The following KLHL20 variants were observed in gnomAD, a reference collection of about 807,000 sequenced individuals.
KLHL20 encodes kelch like family member 20, also known as kelch-like protein 20.
KLHL20 carries 29 observed loss-of-function variants against 69.5 expected under a neutral mutation model. That is an observed-to-expected ratio of 0.42 (90% CI 0.31 to 0.57). The LOEUF (loss-of-function observed/expected upper bound fraction) is 0.57, where lower values mean the gene tolerates loss of function less well. Among genes scored for constraint, KLHL20 ranks in the 20% least tolerant of loss-of-function variants. The pLI is 0.18. For synonymous variants in KLHL20, 253 were observed against 265.2 expected (o/e 0.95, Z 0.45); for missense variants, 419 against 776.0 (o/e 0.54, Z 5.47).
intron 3 of KLHL20, among the ~76,000 whole-genome samples, chr1:173,743,506 C>A (rs941906339): frequency 2.0e-5 from 3 of 151,312 alleles, no homozygotes; most frequent in Non-Finnish European, 2.9e-5. Context: ...TATTCCTGAA[C>A]ACTTACTATG....
Position 173,737,603 on chromosome 1 carries a change from A to G in KLHL20, c.597+3317A>G, listed in dbSNP as rs372128452. ...ATGTACCTATTTTTATGCCAGTATC[A>G]TGCTGTTTTGGTGACTATAGCCTTG... On this transcript the variant is annotated intron_variant, in intron 3 of 11. Transcript: ENST00000209884. Among the ~76,000 whole-genome samples the G allele has an allele frequency of 2.0e-5, 3 of 152,316 alleles. No homozygotes were observed. In the South Asian group the frequency reaches 6.2e-4, roughly 32 times the overall value.
chr1:173,772,258 C>T (rs1256157016), intron 8 of KLHL20, among the ~76,000 whole-genome samples: 1 of 152,064 alleles, frequency 6.6e-6, no homozygotes, highest in Non-Finnish European at 1.5e-5. Context: ...GAGTCTGTAC[C>T]CTTTTGTCAT....
At chr1:173,748,756 A>C (rs550351004) in intron 3 of KLHL20, among the ~76,000 whole-genome samples, 71 of 150,176 alleles carry the variant, frequency 4.7e-4, no homozygotes, top group African/African-American at 1.7e-3. Context: ...AATTTAAAAA[A>C]TCAGAAAAAA....
intron 9 of KLHL20, 126 bp downstream of exon 9, chr1:173,774,564 C>A: frequency 9.6e-7 from 1 of 1,039,844 alleles, no homozygotes; most frequent in Non-Finnish European, 1.4e-6. Flanking sequence ...TGATTTTTCC[C>A]TCCAGCAGAG....
chr1:173,762,324 A>T (rs969116209), intron 7 of KLHL20, among the ~76,000 whole-genome samples: 5 of 152,180 alleles, frequency 3.3e-5, no homozygotes, highest in African/African-American at 1.2e-4. Context: ...TCCTTTTGAC[A>T]CTATTCCACA....
At chr1:173,753,802 C>A (rs1673412321) in intron 5 of KLHL20, among the ~76,000 whole-genome samples, 1 of 152,110 alleles carries the variant, frequency 6.6e-6, no homozygotes, top group Non-Finnish European at 1.5e-5. Flanking sequence ...GAAGCAGTTT[C>A]CAGAGGTTTT....
intron 7 of KLHL20, among the ~76,000 whole-genome samples, chr1:173,765,612 A>G (rs1647650440): frequency 1.3e-5 from 2 of 152,334 alleles, no homozygotes; most frequent in South Asian, 4.1e-4. Flanking sequence ...GGAAAATATC[A>G]GAAACAGCCT....
intron 2 of KLHL20, among the ~76,000 whole-genome samples, chr1:173,717,400 G>A (rs975692872): frequency 9.2e-5 from 14 of 152,252 alleles, no homozygotes; most frequent in Middle Eastern, 3.4e-3. Flanking sequence ...GCTGTTAATC[G>A]TTAAGCTACG....
intron 3 of KLHL20, among the ~76,000 whole-genome samples, chr1:173,749,151 T>C (rs1001193184): frequency 3.3e-5 from 5 of 152,230 alleles, no homozygotes; most frequent in Non-Finnish European, 7.3e-5. Context: ...TTTTTGAACT[T>C]AATCAAATCT....
intron 3 of KLHL20, among the ~76,000 whole-genome samples, chr1:173,748,897 C>T (rs572705161): frequency 1.3e-5 from 2 of 152,016 alleles, no homozygotes; most frequent in Admixed American, 1.3e-4. Context: ...TTTTTAATGT[C>T]TTGCTCTAAC....
At chr1:173,749,856 G>A (rs1156338799) in intron 3 of KLHL20, among the ~76,000 whole-genome samples, 2 of 152,142 alleles carry the variant, frequency 1.3e-5, no homozygotes, top group East Asian at 3.8e-4. Flanking sequence ...AAAGCAAGAT[G>A]CAGTCATGAC....
Position 173,756,839 on chromosome 1 carries a change from A to AG in KLHL20, c.968-136dup, listed in dbSNP as rs1304464724. 15 of 653,394 alleles carry AG rather than the reference A, an allele frequency of 2.3e-5. No individual in the cohort carries two copies. In the East Asian group the frequency reaches 4.0e-4, roughly 17 times the overall value. 40.5% of individuals were successfully genotyped at this position (653,394 alleles called of 1,614,324 possible). ...TAGCAATCCCAGTGGAATGAGTTGAAGTCATAACTTGCATTTTGACCTACT... is the reference window on the plus strand; with the variant it reads ...TAGCAATCCCAGTGGAATGAGTTGAAGGTCATAACTTGCATTTTGACCTACT... On this transcript the variant is annotated intron_variant, in intron 6 of 11. Transcript: ENST00000209884.
chr1:173,756,830 A>C, intron 6 of KLHL20, 146 bp from the exon 7 acceptor site: 1 of 605,174 alleles, frequency 1.7e-6, no homozygotes, highest in Non-Finnish European at 2.9e-6. Flanking sequence ...TCCCAGTGGA[A>C]TGAGTTGAAG....
At chr1:173,745,082 A>G (rs1489482397) in intron 3 of KLHL20, among the ~76,000 whole-genome samples, 2 of 152,012 alleles carry the variant, frequency 1.3e-5, no homozygotes. Context: ...CTATCCAATA[A>G]CAAGATTTTA....
chr1:173,783,616 T>G (rs1240067331), intron 11 of KLHL20, among the ~76,000 whole-genome samples: 1 of 152,020 alleles, frequency 6.6e-6, no homozygotes, highest in African/African-American at 2.4e-5. Flanking sequence ...GCCTGTAATC[T>G]CAGCACTTTG....
At chr1:173,738,224 A>T (rs564513255) in intron 3 of KLHL20, among the ~76,000 whole-genome samples, 2 of 152,266 alleles carry the variant, frequency 1.3e-5, no homozygotes, top group South Asian at 4.1e-4. Flanking sequence ...TTGTTATAAG[A>T]GATGAGGTCT....
chr1:173,737,767 A>G (rs1672602837), intron 3 of KLHL20, among the ~76,000 whole-genome samples: 1 of 152,130 alleles, frequency 6.6e-6, no homozygotes, highest in African/African-American at 2.4e-5. Context: ...TGGTATTTTT[A>G]TGGGAATTGC....
chr1:173,724,503 T>A (rs898347969), intron 2 of KLHL20, among the ~76,000 whole-genome samples: 1 of 152,228 alleles, frequency 6.6e-6, no homozygotes, highest in Non-Finnish European at 1.5e-5. Context: ...TTAAGAGGCA[T>A]AGATTGTCTT....
Position 173,751,843 on chromosome 1 carries a change from G to T in KLHL20, c.677G>T (p.Arg226Leu). 1.2e-6 allele frequency: 2 copies of T among 1,614,010 alleles called. No homozygotes were observed. Among genetic ancestry groups the T allele is most frequent in the Non-Finnish European group, 1.7e-6 (2 of 1,179,966 alleles). The change falls in exon 4 of 12, where the codon CGC (arginine) becomes CTC (leucine). Residue 226 changes from arginine to leucine, a missense_variant. Arg to Leu is a moderately radical substitution (Grantham distance 102). Transcript: ENST00000209884. ...DIISSDELNVRSEEQVFNAVM... is the reference protein window; with the variant it reads ...DIISSDELNVLSEEQVFNAVM... ...ATATCCAGTGATGAGCTAAACGTTCGCAGTGAAGAACAAGTGTTCAATGCA... is the reference window on the plus strand; with the variant it reads ...ATATCCAGTGATGAGCTAAACGTTCTCAGTGAAGAACAAGTGTTCAATGCA...
Sources: allele counts gnomAD v4.1 joint callset (sites outside exome capture counted in the v4.1 genomes callset), GRCh38; gene constraint gnomAD v4.1.1; transcripts MANE v1.5; gene names NCBI Gene and HGNC (gene_info 2026-07-23, HGNC 2026-07-21).